The following PDE7B variants were observed in gnomAD, a reference collection of about 807,000 sequenced individuals.
The protein encoded by PDE7B is phosphodiesterase 7B.
In PDE7B, 29 loss-of-function variants were observed where a neutral mutation model predicts 56.2. The observed-to-expected ratio is 0.52, with a 90% CI of 0.38 to 0.70. The LOEUF is 0.70. PDE7B is among the 30% of genes least tolerant of loss of function. The pLI is 0.00. For synonymous variants in PDE7B, 197 were observed against 196.9 expected, an observed-to-expected ratio of 1.00 and a Z score of 0.00; for missense variants, 490 against 565.0, an observed-to-expected ratio of 0.87 and a Z score of 1.35.
chr6:135,882,977 T>C (rs1775637056), intron 1 of PDE7B, among the ~76,000 whole-genome samples: 1 of 152,178 alleles, frequency 6.6e-6, no homozygotes, highest in Non-Finnish European at 1.5e-5. Context: ...AGGTAGACAT[T>C]GAAACATCAA....
chr6:136,141,524 T>C (rs1357961489), intron 3 of PDE7B, among the ~76,000 whole-genome samples: 1 of 152,194 alleles, frequency 6.6e-6, no homozygotes, highest in Non-Finnish European at 1.5e-5. Context: ...TTGATTGGAA[T>C]AGTTTCAGAA....
intron 1 of PDE7B, among the ~76,000 whole-genome samples, chr6:135,901,209 T>G (rs1775993831): frequency 6.6e-6 from 1 of 152,178 alleles, no homozygotes. Flanking sequence ...AAACTCTACA[T>G]TCATACTTGG....
chr6:135,939,293 C>A (rs191390307), intron 1 of PDE7B, among the ~76,000 whole-genome samples: 3 of 146,862 alleles, frequency 2.0e-5, no homozygotes, highest in Admixed American at 6.6e-5. Context: ...TATCTTTTTT[C>A]TTTTTTTTCT....
At chr6:135,896,301 G>A (rs1015612224) in intron 1 of PDE7B, among the ~76,000 whole-genome samples, 4 of 152,082 alleles carry the variant, frequency 2.6e-5, no homozygotes, top group South Asian at 2.1e-4. Context: ...TACACGAACA[G>A]GTTGAGGACT....
intron 2 of PDE7B, among the ~76,000 whole-genome samples, chr6:136,101,449 A>G (rs1583881700): frequency 6.6e-6 from 1 of 152,034 alleles, no homozygotes; most frequent in African/African-American, 2.4e-5. Flanking sequence ...AGAACCTGTT[A>G]TTGGTCTATT....
intron 2 of PDE7B, among the ~76,000 whole-genome samples, chr6:136,007,938 TCG>T (rs1775817298): frequency 1.3e-5 from 2 of 151,952 alleles, no homozygotes; most frequent in African/African-American, 4.8e-5. Flanking sequence ...ACCCAGTAAC[TCG>T]TCATTTAACA....
At chr6:136,161,110 A>G (rs1273741402) in intron 8 of PDE7B, among the ~76,000 whole-genome samples, 1 of 152,144 alleles carries the variant, frequency 6.6e-6, no homozygotes, top group Non-Finnish European at 1.5e-5. Flanking sequence ...AATATAATAT[A>G]CAATAGAGTA....
chr6:136,002,332 T>C (rs1421608124), intron 2 of PDE7B, among the ~76,000 whole-genome samples: 3 of 152,106 alleles, frequency 2.0e-5, no homozygotes, highest in Non-Finnish European at 2.9e-5. Context: ...AATGACAGGA[T>C]CAAATTCACA....
intron 3 of PDE7B, among the ~76,000 whole-genome samples, chr6:136,128,456 A>G (rs1197846640): frequency 6.6e-6 from 1 of 152,076 alleles, no homozygotes; most frequent in Non-Finnish European, 1.5e-5. Context: ...CACGTGTTTT[A>G]CTGAGTGTCT....
intron 3 of PDE7B, among the ~76,000 whole-genome samples, chr6:136,121,553 C>T (rs1233755001): frequency 1.3e-5 from 2 of 152,166 alleles, no homozygotes; most frequent in African/African-American, 2.4e-5. Flanking sequence ...ACACTATTCA[C>T]ATTTATTGAG....
intron 2 of PDE7B, among the ~76,000 whole-genome samples, chr6:136,001,597 T>C (rs1775669323): frequency 6.6e-6 from 1 of 151,942 alleles, no homozygotes; most frequent in Admixed American, 6.6e-5. Context: ...AGAAAGGGTA[T>C]CAGTGATGGA....
At chr6:136,123,262 T>G (rs536215700) in intron 3 of PDE7B, among the ~76,000 whole-genome samples, 1 of 152,250 alleles carries the variant, frequency 6.6e-6, no homozygotes, top group East Asian at 1.9e-4. Flanking sequence ...GGGGGGCTGA[T>G]GTGGGAGCAT....
chr6:136,111,582 GCA>G (rs1156286367), intron 3 of PDE7B, among the ~76,000 whole-genome samples: 1 of 152,174 alleles, frequency 6.6e-6, no homozygotes, highest in African/African-American at 2.4e-5. Context: ...TCTGTGTTAT[GCA>G]CAGTCACATA....
Position 135,947,539 on chromosome 6 carries a change from C to T in PDE7B, c.82+15C>T. On this transcript the variant is annotated intron_variant, in intron 2 of 12. Coordinates refer to ENST00000308191, the MANE Select transcript of PDE7B (RefSeq NM_018945.4). Reference sequence around the variant, plus strand: ...TTGCATGCTGGGTAAGAAGGCTTCTCATTTTAAATATATTAAGCATGTTGA... The same window carrying T: ...TTGCATGCTGGGTAAGAAGGCTTCTTATTTTAAATATATTAAGCATGTTGA... 7 of 1,578,962 alleles carry T rather than the reference C, an allele frequency of 4.4e-6. No homozygotes were observed. The highest frequency in any genetic ancestry group is 6.1e-6 in the Non-Finnish European group (7 of 1,148,212).
At chr6:135,910,592 C>T (rs1776194924) in intron 1 of PDE7B, among the ~76,000 whole-genome samples, 1 of 152,124 alleles carries the variant, frequency 6.6e-6, no homozygotes, top group Non-Finnish European at 1.5e-5. Context: ...TCATTATCAT[C>T]CTAAGTCCAT....
chr6:136,095,274 CAAT>C (rs1335134670), intron 2 of PDE7B, among the ~76,000 whole-genome samples: 2 of 151,806 alleles, frequency 1.3e-5, no homozygotes, highest in Non-Finnish European at 2.9e-5. Flanking sequence ...ATAACAGTAT[CAAT>C]AATATGATTT....
intron 2 of PDE7B, among the ~76,000 whole-genome samples, chr6:135,989,638 TA>T (rs1775446406): frequency 6.6e-6 from 1 of 152,084 alleles, no homozygotes; most frequent in Admixed American, 6.5e-5. Flanking sequence ...ATAATAATAA[TA>T]AATTTATGTA....
rs1339480114 is a variant in PDE7B, at chr6:136,077,441, G to A, written c.83-31290G>A. On this transcript the variant is annotated intron_variant, in intron 2 of 12. Coordinates refer to ENST00000308191, the MANE Select transcript of PDE7B (RefSeq NM_018945.4). ...TTTAACCCTAAATTGGAATGATTGG[G>A]AAGTTGTGGGTGTAGGGAAAGGTGG... 2.6e-5 allele frequency among the ~76,000 whole-genome samples: 4 copies of A among 152,152 alleles called. No homozygotes were observed. The East Asian group carries it at 7.7e-4, about 29-fold the overall frequency.
At chr6:136,135,468 C>T (rs894525282) in intron 3 of PDE7B, among the ~76,000 whole-genome samples, 1 of 151,866 alleles carries the variant, frequency 6.6e-6, no homozygotes, top group Admixed American at 6.6e-5. Context: ...ATTTCAAAGT[C>T]ATTTATAATG....
Sources: gnomAD v4.1 joint callset for allele counts (sites outside exome capture counted in the v4.1 genomes callset) on GRCh38, gnomAD v4.1.1 for gene constraint, MANE v1.5 for transcripts, NCBI Gene and HGNC (gene_info 2026-07-23, HGNC 2026-07-21) for gene names.